PXDN: variants seen among roughly 807,000 people sequenced by gnomAD.
The protein encoded by PXDN is peroxidasin.
In PXDN, 77 loss-of-function variants were observed where a neutral mutation model predicts 140.3. The observed-to-expected ratio is 0.55, with a 90% confidence interval of 0.46 to 0.66. The LOEUF is 0.66. Ranked by LOEUF, PXDN falls within the 30% of genes least tolerant of loss-of-function variation. The pLI is 0.00. For missense variants in PXDN, 1,838 were observed against 2,039.5 expected, an observed-to-expected ratio of 0.90 and a Z score of 1.90; for synonymous variants, 911 against 857.4, an observed-to-expected ratio of 1.06 and a Z score of -1.09.
intron 14 of PXDN, among the ~76,000 whole-genome samples, chr2:1,656,916 C>G (rs1414495330): frequency 6.8e-6 from 1 of 145,988 alleles, no homozygotes; most frequent in Non-Finnish European, 1.5e-5. Context: ...CTGACTGGAA[C>G]CTGTCCCCTC....
chr2:1,676,056 A>G (rs570930202), intron 8 of PXDN, among the ~76,000 whole-genome samples: 2 of 152,254 alleles, frequency 1.3e-5, no homozygotes, highest in East Asian at 1.9e-4. Flanking sequence ...CTCCACTCCA[A>G]CTTAGGACCC....
chr2:1,656,489 GGACCTGCCCCCTCTTGACAGA>G (rs1301264450), intron 14 of PXDN, among the ~76,000 whole-genome samples: 1 of 152,154 alleles, frequency 6.6e-6, no homozygotes, highest in Non-Finnish European at 1.5e-5. Flanking sequence ...CCCTCTATGG[GGACCTGCCCCCTCTTGACAGA>G]GACCTGCCCT....
At chr2:1,655,457 C>A (rs1683110046) in intron 14 of PXDN, among the ~76,000 whole-genome samples, 1 of 151,592 alleles carries the variant, frequency 6.6e-6, no homozygotes, top group Non-Finnish European at 1.5e-5. Flanking sequence ...ACACCACACA[C>A]ACAAATCACA....
intron 1 of PXDN, among the ~76,000 whole-genome samples, chr2:1,739,768 G>A (rs78314518): frequency 0.024 from 3,716 of 152,226 alleles, 160 homozygotes; most frequent in African/African-American, 0.085. Context: ...AAGATCAGCC[G>A]CCTCCCAGGC....
rs2125423994 is a variant in PXDN, at chr2:1,662,063, A to C, written c.1680+9T>G. 1.9e-6 allele frequency: 3 copies of C among 1,575,848 alleles called. No homozygotes were observed. The highest frequency in any genetic ancestry group is 2.6e-6 in the Non-Finnish European group (3 of 1,160,654). On this transcript the variant is annotated intron_variant, in intron 13 of 22. Transcript: ENST00000252804. Reference sequence around the variant, plus strand: ...GGGTGGTGGCTGGCTCGGGCACCAGACCGCCTACCTTGTTCCAGGTGATGG... The same window carrying C: ...GGGTGGTGGCTGGCTCGGGCACCAGCCCGCCTACCTTGTTCCAGGTGATGG...
At chr2:1,711,854 A>C (rs893864785) in intron 1 of PXDN, among the ~76,000 whole-genome samples, 4 of 150,326 alleles carry the variant, frequency 2.7e-5, no homozygotes, top group Non-Finnish European at 4.5e-5. Context: ...GCTCCCTATA[A>C]ATAGGGGCCT....
At position 1,647,602 on chromosome 2, in the gene PXDN, G is replaced by A. The variant is rs561977543; in HGVS notation, c.3608+570C>T. On this transcript the variant is annotated intron_variant, in intron 17 of 22. Coordinates refer to ENST00000252804, the MANE Select transcript of PXDN (RefSeq NM_012293.3). The stretch of plus-strand genomic sequence containing the variant: ...CACAGGTGATCAAGGCTGTGGCTCA[G>A]AAGCGGCGCCATCTGTGGCGGTCAT... Among the ~76,000 whole-genome samples the A allele has an allele frequency of 4.6e-5, 7 of 152,354 alleles. No homozygotes were observed. In the South Asian group the frequency reaches 1.4e-3, roughly 32 times the overall value.
intron 12 of PXDN, among the ~76,000 whole-genome samples, 181 bp downstream of exon 12, chr2:1,663,424 G>T (rs536508500): frequency 6.6e-6 from 1 of 152,198 alleles, no homozygotes; most frequent in African/African-American, 2.4e-5. Flanking sequence ...AAGGGACAGA[G>T]ATTGAATGAG....
intron 4 of PXDN, among the ~76,000 whole-genome samples, chr2:1,686,006 C>T (rs1300311911): frequency 6.6e-6 from 1 of 152,182 alleles, no homozygotes; most frequent in Admixed American, 6.5e-5. Context: ...GGACTGCATC[C>T]GGGCTCCCGG....
rs894767245 is a variant in PXDN, at chr2:1,693,101, T to C, written c.234A>G (p.Gln78=). 12 of 1,559,362 alleles carry C rather than the reference T, an allele frequency of 7.7e-6. No individual in the cohort carries two copies. The highest frequency in any genetic ancestry group is 2.7e-5 in the African/African-American group (2 of 73,692). The change falls in exon 2 of 23, where the codon CAA becomes CAG. Residue 78 remains glutamine, a synonymous_variant. Coordinates refer to ENST00000252804, the MANE Select transcript of PXDN (RefSeq NM_012293.3). ...DLRFNRIREI[Q]PGAFRRLRNL... is the part of the protein sequence containing the mutation. Reference sequence around the variant, plus strand: ...TCCTCAGCCGCCTGAATGCCCCAGGTTGGATCTCTCTGATTCTGTTAAAGC... The same window carrying C: ...TCCTCAGCCGCCTGAATGCCCCAGGCTGGATCTCTCTGATTCTGTTAAAGC...
chr2:1,691,083 T>A (rs2125449549), intron 3 of PXDN, among the ~76,000 whole-genome samples: 1 of 152,200 alleles, frequency 6.6e-6, no homozygotes, highest in Non-Finnish European at 1.5e-5. Flanking sequence ...TCTGCACAGG[T>A]ATCCCAGAAC....
At chr2:1,641,120 T>C (rs149668353) in intron 19 of PXDN, among the ~76,000 whole-genome samples, 2 of 152,358 alleles carry the variant, frequency 1.3e-5, no homozygotes, top group East Asian at 3.9e-4. Flanking sequence ...TGAAAAGTTG[T>C]AGCTCAAGGA....
intron 1 of PXDN, among the ~76,000 whole-genome samples, chr2:1,717,432 C>T (rs535700105): frequency 6.6e-6 from 1 of 152,214 alleles, no homozygotes; most frequent in South Asian, 2.1e-4. Context: ...AACCACACAA[C>T]CAGGAAACAA....
rs1558509190 is a variant in PXDN at position 1,687,341 on chromosome 2, C to T, written c.416+291G>A. On this transcript the variant is annotated intron_variant, in intron 4 of 22. Transcript: ENST00000252804. The surrounding 1 kb of genome is among the most constrained non-coding windows in gnomAD (Gnocchi z 4.0). ...CTCTAAGTTGTGACAGGGATTCCATCGATATTACTGTCCTTGGTGTCAGGA... is the reference window on the plus strand; with the variant it reads ...CTCTAAGTTGTGACAGGGATTCCATTGATATTACTGTCCTTGGTGTCAGGA... 2.0e-5 allele frequency among the ~76,000 whole-genome samples: 3 copies of T among 152,002 alleles called. No homozygotes were observed. The highest frequency in any genetic ancestry group is 2.0e-4 in the Admixed American group (3 of 15,274).
At position 1,685,532 on chromosome 2, in the gene PXDN, G is replaced by C. The variant is rs1684032831; in HGVS notation, c.417-1381C>G. On this transcript the variant is annotated intron_variant, in intron 4 of 22. Transcript: ENST00000252804. The surrounding 1 kb of genome is among the most constrained non-coding windows in gnomAD (Gnocchi z 5.1). Reference sequence around the variant, plus strand: ...CACCACCACGGCACAGTGGCTGTGAGCTGCTCAGCGAGGCTTCAGTGCAGG... The same window carrying C: ...CACCACCACGGCACAGTGGCTGTGACCTGCTCAGCGAGGCTTCAGTGCAGG... 1.3e-5 allele frequency among the ~76,000 whole-genome samples: 2 copies of C among 152,162 alleles called. No homozygotes were observed. The highest frequency in any genetic ancestry group is 4.1e-4 in the South Asian group (2 of 4,824).
At position 1,654,497 on chromosome 2, in the gene PXDN, T is replaced by C. The variant is rs1373513429; in HGVS notation, c.1849A>G (p.Ser617Gly). 6.2e-7 allele frequency: 1 copy of C among 1,612,498 alleles called. No homozygotes were observed. The highest frequency in any genetic ancestry group is 2.2e-5 in the East Asian group (1 of 44,864). ...GCTACAAACGGATCTCCATTTCGAC[T>C]GACGTCAGGAACTAGGAAAATACAA... ...MVLSVNVPDV[S>G]RNGDPFVATS... The change falls in exon 15 of 23, where the codon AGT becomes GGT. Residue 617 changes from serine (S) to glycine (G), a missense_variant. This residue lies in a region of PXDN where 537 missense variants were observed against 583.9 expected (regional missense o/e 0.92). Transcript: ENST00000252804.
chr2:1,705,425 A>C (rs558001794), intron 1 of PXDN, among the ~76,000 whole-genome samples: 24 of 149,586 alleles, frequency 1.6e-4, no homozygotes, highest in East Asian at 1.4e-3. Flanking sequence ...CACAGGGTGC[A>C]GGATGCAGCT....
At chr2:1,700,828 TGGA>T (rs1684408034) in intron 1 of PXDN, among the ~76,000 whole-genome samples, 2 of 152,130 alleles carry the variant, frequency 1.3e-5, no homozygotes, top group Non-Finnish European at 2.9e-5. Flanking sequence ...TGAGCTGAGA[TGGA>T]GCCACTACAC....
chr2:1,711,484 C>T (rs1251286090), intron 1 of PXDN, among the ~76,000 whole-genome samples: 9 of 135,574 alleles, frequency 6.6e-5, no homozygotes, highest in African/African-American at 2.7e-4. Context: ...TCCACCAGCA[C>T]CCGCTCCACC....
Sources: gnomAD v4.1 joint callset for allele counts (sites outside exome capture counted in the v4.1 genomes callset) on GRCh38, gnomAD v4.1.1 for gene constraint, gnomAD v4.1.1 regional missense constraint, Gnocchi (gnomAD v3.1) non-coding constraint, MANE v1.5 for transcripts, NCBI Gene and HGNC (gene_info 2026-07-23, HGNC 2026-07-21) for gene names.